Variants in PRKG1 observed in about 807,000 individuals in gnomAD.
The protein encoded by PRKG1 is protein kinase cGMP-dependent 1, also known as cGMP-dependent protein kinase 1.
Under a neutral mutation model 88.1 loss-of-function variants are expected in PRKG1, and 35 were observed. That is an observed-to-expected ratio of 0.40 (90% CI 0.30 to 0.53). The LOEUF is 0.53. PRKG1 is among the 20% of genes least tolerant of loss of function. The pLI, the probability that PRKG1 is intolerant of heterozygous loss-of-function variation, is 0.59. For missense variants in PRKG1, 540 were observed against 839.8 expected, an observed-to-expected ratio of 0.64 and a Z score of 4.41; for synonymous variants, 303 against 292.5, an observed-to-expected ratio of 1.04 and a Z score of -0.37.
chr10:51,541,243 C>T (rs145323952), intron 3 of PRKG1, among the ~76,000 whole-genome samples: 178 of 152,214 alleles, frequency 1.2e-3, no homozygotes, highest in Non-Finnish European at 2.0e-3. Context: ...ACAGGGTTCG[C>T]GCTCCTATAA....
intron 3 of PRKG1, among the ~76,000 whole-genome samples, chr10:51,484,925 T>C (rs1357409855): frequency 6.6e-6 from 1 of 152,216 alleles, no homozygotes; most frequent in Non-Finnish European, 1.5e-5. Flanking sequence ...CTTTTAAAGA[T>C]AGAGATAATT....
intron 9 of PRKG1, chr10:52,241,987 CT>C (rs1840874264): frequency 6.6e-6 from 1 of 152,178 alleles, no homozygotes; most frequent in Non-Finnish European, 1.5e-5. Flanking sequence ...GCTATCCCTT[CT>C]TTAGAAATGA....
At chr10:51,789,977 A>ACGCG (rs1838826350) in intron 3 of PRKG1, among the ~76,000 whole-genome samples, 1 of 152,042 alleles carries the variant, frequency 6.6e-6, no homozygotes, top group South Asian at 2.1e-4. Flanking sequence ...ACCCACTGCC[A>ACGCG]CGCTCAGCTA....
intron 4 of PRKG1, among the ~76,000 whole-genome samples, chr10:51,900,766 A>AT (rs952090301): frequency 6.6e-6 from 1 of 151,820 alleles, no homozygotes; most frequent in Non-Finnish European, 1.5e-5. Flanking sequence ...CAAAACCCAT[A>AT]TTTTTTTTAA....
chr10:51,896,993 A>G (rs965514766), intron 4 of PRKG1, among the ~76,000 whole-genome samples: 1 of 152,208 alleles, frequency 6.6e-6, no homozygotes, highest in Non-Finnish European at 1.5e-5. Flanking sequence ...TTGCTAAAAG[A>G]AAATAAATCT....
rs907584669 is a variant in PRKG1, at chr10:52,073,904, C to T, written c.935+11273C>T. On this transcript the variant is annotated intron_variant, in intron 7 of 17. Coordinates refer to ENST00000373980, the MANE Select transcript of PRKG1 (RefSeq NM_006258.4). Reference sequence around the variant, plus strand: ...CAAATTATTGATATTTGTATGGGAGCGCCTTAGCATTTGGACTAGACTACT... The same window carrying T: ...CAAATTATTGATATTTGTATGGGAGTGCCTTAGCATTTGGACTAGACTACT... 3.9e-4 allele frequency among the ~76,000 whole-genome samples: 59 copies of T among 152,094 alleles called. 1 individual carries two copies. The highest frequency in any genetic ancestry group is 3.7e-3 in the Admixed American group (56 of 15,254).
intron 12 of PRKG1, among the ~76,000 whole-genome samples, chr10:52,276,904 G>T (rs1213328378): frequency 6.6e-6 from 1 of 152,164 alleles, no homozygotes; most frequent in Non-Finnish European, 1.5e-5. Flanking sequence ...GGGACAGTGT[G>T]GTGCTGGTAA....
intron 4 of PRKG1, among the ~76,000 whole-genome samples, chr10:51,896,033 G>A (rs542132835): frequency 6.6e-6 from 1 of 152,210 alleles, no homozygotes; most frequent in South Asian, 2.1e-4. Flanking sequence ...GACATGACAC[G>A]CTTCCTAGAT....
Position 52,282,101 on chromosome 10 carries a change from T to A in PRKG1, c.1546-52T>A, listed in dbSNP as rs11001441. 36,998 of 1,462,848 alleles carry A rather than the reference T, an allele frequency of 0.025. 565 individuals are homozygous for A. Among genetic ancestry groups the A allele is most frequent in the Non-Finnish European group, 0.03 (33,125 of 1,088,320 alleles). 90.6% of individuals were successfully genotyped at this position (1,462,848 alleles called of 1,614,324 possible). A position where few individuals can be genotyped will look rare whatever the true frequency, so the allele number is the denominator to read the frequency against. On this transcript the variant is annotated intron_variant, in intron 13 of 17. Coordinates refer to ENST00000373980, the MANE Select transcript of PRKG1 (RefSeq NM_006258.4). ...GTGTGCTTCAAAATAACTTATTACT[T>A]TAAAACTTAATCATAAGGAGCTTAA...
At chr10:51,420,128 T>C (rs935821640) in intron 2 of PRKG1, among the ~76,000 whole-genome samples, 1 of 152,066 alleles carries the variant, frequency 6.6e-6, no homozygotes, top group Non-Finnish European at 1.5e-5. Context: ...AAATGGAAAC[T>C]GGGGGAGACC....
intron 13 of PRKG1, 91 bp from the exon 14 acceptor site, chr10:52,282,059 AATT>A (rs763553733): frequency 2.5e-4 from 305 of 1,221,144 alleles, no homozygotes; most frequent in Non-Finnish European, 3.1e-4. Context: ...CATGTTTTTA[AATT>A]ATTATCATCA....
At chr10:51,895,307 T>A (rs1589397610) in intron 4 of PRKG1, among the ~76,000 whole-genome samples, 1 of 152,266 alleles carries the variant, frequency 6.6e-6, no homozygotes, top group Admixed American at 6.5e-5. Flanking sequence ...AACTTTTCAG[T>A]TTCTTCTGGG....
chr10:51,186,854 A>G (rs892813882), intron 2 of PRKG1, among the ~76,000 whole-genome samples: 1 of 150,322 alleles, frequency 6.7e-6, no homozygotes, highest in Non-Finnish European at 1.5e-5. Flanking sequence ...TTTTTACTTC[A>G]TCTTTTGTCA....
chr10:51,948,525 TGTGTGTGTGTGTGTGTGTGTGTGC>T (rs965492233), intron 5 of PRKG1, among the ~76,000 whole-genome samples: 2 of 35,538 alleles, frequency 5.6e-5, no homozygotes, highest in Admixed American at 2.9e-4. Flanking sequence ...TGTGTGTCTC[TGTGTGTGTGTGTGTGTGTGTGTGC>T]GTGTGTGTGT....
intron 1 of PRKG1, among the ~76,000 whole-genome samples, chr10:51,022,413 C>T (rs960241987): frequency 2.8e-4 from 43 of 152,308 alleles, no homozygotes; most frequent in African/African-American, 1.0e-3. Flanking sequence ...ATCCATTTCA[C>T]CTTTGTGGCA....
rs571361692 is a variant in PRKG1 at position 51,302,957 on chromosome 10, T to C, written c.478+149627T>C. On this transcript the variant is annotated intron_variant, in intron 2 of 17. Transcript: ENST00000373980. ...CACACAGCCTGTGCGGTGGAGCTTC[T>C]TGCAAGAGTATTTTGGCCCTTTATA... is the stretch of plus-strand genomic sequence containing the variant. 7.2e-5 allele frequency: 11 copies of C among 152,304 alleles called. No individual in the cohort carries two copies. The East Asian group carries it at 2.1e-3, about 29-fold the overall frequency. The allele number at this position is 152,304 out of a possible 1,614,324, so 9.4% of individuals were successfully genotyped here.
chr10:51,282,360 T>C (rs995329762), intron 2 of PRKG1, among the ~76,000 whole-genome samples: 2 of 151,476 alleles, frequency 1.3e-5, no homozygotes, highest in African/African-American at 4.9e-5. Flanking sequence ...TTTGGTTATA[T>C]ATATATATAG....
chr10:51,258,490 T>C (rs1168347452), intron 2 of PRKG1, among the ~76,000 whole-genome samples: 2 of 152,242 alleles, frequency 1.3e-5, no homozygotes, highest in African/African-American at 4.8e-5. Flanking sequence ...TTATATATTT[T>C]AAGGCCTACC....
At chr10:51,077,244 C>A (rs971852312) in intron 1 of PRKG1, among the ~76,000 whole-genome samples, 1 of 152,234 alleles carries the variant, frequency 6.6e-6, no homozygotes, top group Non-Finnish European at 1.5e-5. Context: ...ATTACACGGA[C>A]TTACTGGCAA....
Sources: gnomAD v4.1 joint callset for allele counts (sites outside exome capture counted in the v4.1 genomes callset) on GRCh38, gnomAD v4.1.1 for gene constraint, MANE v1.5 for transcripts, NCBI Gene and HGNC (gene_info 2026-07-23, HGNC 2026-07-21) for gene names.